Variants in GBE1 observed in about 807,000 individuals in gnomAD.
GBE1 encodes the protein 1,4-alpha-glucan-branching enzyme.
In GBE1, 70 loss-of-function variants were observed where a neutral mutation model predicts 88.8. The observed-to-expected ratio is 0.79, with a 90% CI of 0.65 to 0.96. GBE1 has a LOEUF of 0.96. Among genes scored for constraint, GBE1 ranks in the 40% least tolerant of loss-of-function variants. The pLI is 0.00. For synonymous variants in GBE1, 284 were observed against 300.1 expected, an observed-to-expected ratio of 0.95 and a Z score of 0.56; for missense variants, 872 against 871.0, an observed-to-expected ratio of 1.00 and a Z score of -0.01.
chr3:81,722,592 T>G (rs1706049017), intron 1 of GBE1, among the ~76,000 whole-genome samples: 1 of 151,850 alleles, frequency 6.6e-6, no homozygotes, highest in African/African-American at 2.4e-5. Flanking sequence ...TAAGAAAAGT[T>G]TGAAAGTTTA....
Position 81,690,724 on chromosome 3 carries a change from G to T in GBE1, c.313+14720C>A, listed in dbSNP as rs57583981. On this transcript the variant is annotated intron_variant, in intron 2 of 15. Coordinates refer to ENST00000429644, the MANE Select transcript of GBE1 (RefSeq NM_000158.4). The stretch of plus-strand genomic sequence containing the variant: ...TTTTTGCTGTTGTTGTTTAATAAAA[G>T]GGTTAAACCATTTATGACTGTCTTT... Among the ~76,000 whole-genome samples, 1,003 of 152,008 alleles carry T rather than the reference G, an allele frequency of 6.6e-3. 24 individuals are homozygous for T. The highest frequency in any genetic ancestry group is 0.049 in the Admixed American group (745 of 15,282).
At chr3:81,664,729 C>T (rs1474987305) in intron 3 of GBE1, among the ~76,000 whole-genome samples, 1 of 152,116 alleles carries the variant, frequency 6.6e-6, no homozygotes, top group Non-Finnish European at 1.5e-5. Context: ...AAAAATCACC[C>T]ACTGTAATTA....
At chr3:81,547,554 GGAA>G (rs1703221814) in intron 12 of GBE1, among the ~76,000 whole-genome samples, 2 of 150,556 alleles carry the variant, frequency 1.3e-5, no homozygotes, top group Non-Finnish European at 1.5e-5. Context: ...TCAGGGCAAG[GGAA>G]CCCAGAAGCC....
intron 12 of GBE1, among the ~76,000 whole-genome samples, chr3:81,550,397 C>A (rs1373780248): frequency 6.6e-6 from 1 of 151,304 alleles, no homozygotes; most frequent in Non-Finnish European, 1.5e-5. Context: ...CCTTATTCAG[C>A]CTGAAGAAGT....
intron 1 of GBE1, among the ~76,000 whole-genome samples, chr3:81,707,640 AT>A (rs748380448): frequency 1.3e-4 from 20 of 152,122 alleles, no homozygotes; most frequent in Admixed American, 2.0e-4. Flanking sequence ...GGGGGATGAA[AT>A]TTTATAGCAG....
chr3:81,629,091 A>G (rs1287855757), intron 7 of GBE1, among the ~76,000 whole-genome samples: 31 of 136,190 alleles, frequency 2.3e-4, no homozygotes, highest in African/African-American at 7.4e-4. Context: ...GGTTAGTTAC[A>G]TATGTATACA....
At chr3:81,672,239 C>T (rs1705199463) in intron 2 of GBE1, among the ~76,000 whole-genome samples, 1 of 151,906 alleles carries the variant, frequency 6.6e-6, no homozygotes, top group Admixed American at 6.6e-5. Flanking sequence ...TATCTTAACC[C>T]CACAGCCCGA....
At chr3:81,718,819 G>A (rs576149380) in intron 1 of GBE1, among the ~76,000 whole-genome samples, 8 of 151,912 alleles carry the variant, frequency 5.3e-5, no homozygotes, top group Non-Finnish European at 7.4e-5. Flanking sequence ...TATTTTTGTA[G>A]AGACGAGATT....
intron 10 of GBE1, among the ~76,000 whole-genome samples, chr3:81,584,146 T>G (rs370775332): frequency 3.9e-5 from 6 of 152,074 alleles, no homozygotes; most frequent in South Asian, 2.1e-4. Context: ...ACAGCAAATT[T>G]GGCATAATTT....
At position 81,646,496 on chromosome 3, in the gene GBE1, TG is replaced by T. The variant is rs1704765647; in HGVS notation, c.692-15del. The T allele has an allele frequency of 2.8e-6, 4 of 1,407,280 alleles. No homozygotes were observed. Among genetic ancestry groups the T allele is most frequent in the Non-Finnish European group, 3.9e-6 (4 of 1,024,982 alleles). 87.2% of individuals were successfully genotyped at this position (1,407,280 alleles called of 1,614,324 possible). Reference sequence around the variant, plus strand: ...TGCAGTTGTATCCTATATAAGGCAATGGTCAAATCTAAATTAAAAGCCACAT... The same window carrying T: ...TGCAGTTGTATCCTATATAAGGCAATGTCAAATCTAAATTAAAAGCCACAT... On this transcript the variant is annotated splice_polypyrimidine_tract_variant and intron_variant, in intron 5 of 15. Coordinates refer to ENST00000429644, the MANE Select transcript of GBE1 (RefSeq NM_000158.4).
chr3:81,703,318 C>T (rs1705726763), intron 2 of GBE1, among the ~76,000 whole-genome samples: 1 of 151,858 alleles, frequency 6.6e-6, no homozygotes, highest in African/African-American at 2.4e-5. Flanking sequence ...ACCATCAGGC[C>T]AAGCTAATCT....
intron 1 of GBE1, among the ~76,000 whole-genome samples, chr3:81,746,789 T>C (rs1321049925): frequency 1.3e-5 from 2 of 152,142 alleles, no homozygotes; most frequent in East Asian, 1.9e-4. Flanking sequence ...TAAATTCCCA[T>C]ATATATCACA....
Position 81,560,290 on chromosome 3 carries a change from C to T in GBE1, c.1618+17635G>A, listed in dbSNP as rs969457448. Among the ~76,000 whole-genome samples the T allele has an allele frequency of 3.4e-4, 51 of 151,814 alleles. 1 individual carries two copies. The highest frequency in any genetic ancestry group is 3.4e-3 in the Admixed American group (51 of 15,200). On this transcript the variant is annotated intron_variant, in intron 12 of 15. Transcript: ENST00000429644. ...AGAAAGTCATAGCACTTTAAAATAA[C>T]ATTTTTAATCACATAGATCAGATAA...
At chr3:81,658,077 G>A (rs1704968016) in intron 3 of GBE1, among the ~76,000 whole-genome samples, 1 of 152,008 alleles carries the variant, frequency 6.6e-6, no homozygotes, top group Admixed American at 6.6e-5. Flanking sequence ...CATTATTTTA[G>A]ATTTCTTATT....
chr3:81,624,188 G>T lies in GBE1; in HGVS notation c.992+18593C>A, dbSNP rs181809594. Among the ~76,000 whole-genome samples, 533 of 152,296 alleles carry T rather than the reference G, an allele frequency of 3.5e-3. 7 individuals carry two copies. Among genetic ancestry groups the T allele is most frequent in the Non-Finnish European group, 2.6e-3 (174 of 68,022 alleles). ...CAGGAAAGAGAAGTCCCGAGCGAAG[G>T]AGGACAAGCCCCTTATAAAACCATC... On this transcript the variant is annotated intron_variant, in intron 7 of 15. Transcript: ENST00000429644.
intron 1 of GBE1, among the ~76,000 whole-genome samples, chr3:81,755,686 G>A (rs1453088738): frequency 6.6e-6 from 1 of 152,010 alleles, no homozygotes; most frequent in Non-Finnish European, 1.5e-5. Context: ...GGATGGAACT[G>A]GAGACCATTA....
chr3:81,655,551 T>A (rs1260205279), intron 3 of GBE1, among the ~76,000 whole-genome samples: 1 of 152,160 alleles, frequency 6.6e-6, no homozygotes, highest in Non-Finnish European at 1.5e-5. Flanking sequence ...AGTTTTACTC[T>A]TGTCGCCCAG....
intron 1 of GBE1, among the ~76,000 whole-genome samples, chr3:81,743,974 T>C (rs1197153258): frequency 1.3e-5 from 2 of 152,128 alleles, no homozygotes; most frequent in Admixed American, 6.6e-5. Flanking sequence ...TGGTCAATAA[T>C]TGCAGAGTCC....
At chr3:81,671,574 A>T (rs780469129) in intron 2 of GBE1, among the ~76,000 whole-genome samples, 1 of 152,150 alleles carries the variant, frequency 6.6e-6, no homozygotes, top group Non-Finnish European at 1.5e-5. Context: ...TAAAGGACAC[A>T]CTATTTAATA....
Sources: allele counts gnomAD v4.1 joint callset (sites outside exome capture counted in the v4.1 genomes callset), GRCh38; gene constraint gnomAD v4.1.1; transcripts MANE v1.5; gene names NCBI Gene and HGNC (gene_info 2026-07-23, HGNC 2026-07-21).